Variants in SLC17A8 observed in about 807,000 individuals in gnomAD.
SLC17A8 encodes the protein vesicular glutamate transporter 3.
A neutral mutation model predicts 58.0 loss-of-function variants in SLC17A8; 31 were observed. The ratio of observed to expected loss-of-function variants is 0.53; its 90% CI spans 0.40 to 0.72. SLC17A8 has a LOEUF of 0.72. SLC17A8 is among the 30% of genes least tolerant of loss of function. SLC17A8 has a pLI of 0.00. For missense variants in SLC17A8, 655 were observed against 727.8 expected (o/e 0.90, Z 1.15); for synonymous variants, 228 against 249.0 (o/e 0.92, Z 0.79).
At chr12:100,401,460 G>T (rs1190716973) in intron 5 of SLC17A8, among the ~76,000 whole-genome samples, 1 of 151,882 alleles carries the variant, frequency 6.6e-6, no homozygotes, top group Non-Finnish European at 1.5e-5. Flanking sequence ...ATTGCGCCTG[G>T]TTGAATTTTC....
chr12:100,396,584 A>T (rs985559982), intron 5 of SLC17A8, among the ~76,000 whole-genome samples, 167 bp downstream of exon 5: 25 of 131,460 alleles, frequency 1.9e-4, no homozygotes, highest in Non-Finnish European at 3.4e-4. Flanking sequence ...CTTCGTCTTT[A>T]AAAAAAAAAA....
chr12:100,401,789 G>T lies in SLC17A8; in HGVS notation c.689G>T (p.Gly230Val). The change falls in exon 6 of 12, where the codon GGG becomes GTG. Residue 230 changes from glycine (G) to valine (V), a missense_variant. Physicochemically the swap from Gly to Val is moderately radical, Grantham distance 109. Coordinates refer to ENST00000323346, the MANE Select transcript of SLC17A8 (RefSeq NM_139319.3). ...TTTCTTGTTCCAGGTTCCTATGCAG[G>T]GGCAGTGGTTGCCATGCCCCTGGCT... ...ATTSFCGSYA[G>V]AVVAMPLAGV... is the part of the protein sequence containing the mutation. 2 of 1,613,700 alleles carry T rather than the reference G, an allele frequency of 1.2e-6. No homozygotes were observed. Among genetic ancestry groups the T allele is most frequent in the South Asian group, 2.2e-5 (2 of 91,052 alleles).
chr12:100,363,110 G>A (rs577946717), intron 1 of SLC17A8, among the ~76,000 whole-genome samples: 28 of 152,222 alleles, frequency 1.8e-4, no homozygotes, highest in African/African-American at 6.7e-4. Flanking sequence ...TCTGGTCTTG[G>A]CACGAGGACC....
At position 100,420,083 on chromosome 12, in the gene SLC17A8, A is replaced by G; in HGVS notation, c.1694A>G (p.Gln565Arg). Residue 565 changes from glutamine (Q) to arginine (R), a missense_variant, in exon 12 of 12, where the codon CAG becomes CGG. Gln to Arg is a conservative substitution (Grantham distance 43). Coordinates refer to ENST00000323346, the MANE Select transcript of SLC17A8 (RefSeq NM_139319.3). ...GTCCAGAAGAAGGAATGGAAAGGACAGAGAGGAGCGACCCTTGATGAGGAA... is the reference window on the plus strand; with the variant it reads ...GTCCAGAAGAAGGAATGGAAAGGACGGAGAGGAGCGACCCTTGATGAGGAA... ...CEVQKKEWKGQRGATLDEEEL... is the reference protein window; with the variant it reads ...CEVQKKEWKGRRGATLDEEEL... 4.3e-6 allele frequency: 7 copies of G among 1,614,170 alleles called. No homozygotes were observed. The highest frequency in any genetic ancestry group is 5.1e-6 in the Non-Finnish European group (6 of 1,180,014).
chr12:100,393,549 C>G (rs879228524), intron 4 of SLC17A8, 66 bp downstream of exon 4: 6 of 1,194,470 alleles, frequency 5.0e-6, no homozygotes, highest in Non-Finnish European at 6.2e-6. Flanking sequence ...AGAAAATTCA[C>G]CTTCTGAAGA....
intron 2 of SLC17A8, among the ~76,000 whole-genome samples, chr12:100,389,803 TG>T (rs1334246155): frequency 5.1e-4 from 45 of 88,812 alleles, no homozygotes; most frequent in African/African-American, 1.6e-3. Flanking sequence ...TGGCTAGATT[TG>T]TATTATTATT....
intron 1 of SLC17A8, among the ~76,000 whole-genome samples, chr12:100,358,683 C>G (rs1312039703): frequency 6.6e-6 from 1 of 152,216 alleles, no homozygotes; most frequent in Non-Finnish European, 1.5e-5. Context: ...ATTACAATAA[C>G]ATTTTTTTCA....
At chr12:100,401,933 C>A in intron 6 of SLC17A8, 70 bp downstream of exon 6, 2 of 1,231,194 alleles carry the variant, frequency 1.6e-6, no homozygotes, top group Non-Finnish European at 2.4e-6. Flanking sequence ...ATGGGTTTGG[C>A]TCAGAGTTCA....
At position 100,357,451 on chromosome 12, in the gene SLC17A8, A is replaced by G. The variant is rs1219817580; in HGVS notation, c.60A>G (p.Gly20=). 2 of 1,614,000 alleles carry G rather than the reference A, an allele frequency of 1.2e-6. No homozygotes were observed. Among genetic ancestry groups the G allele is most frequent in the Non-Finnish European group, 1.7e-6 (2 of 1,179,850 alleles). Residue 20 remains glycine, a synonymous_variant, in exon 1 of 12, where the codon GGA becomes GGG. Transcript: ENST00000323346. ...KEKILKPGKE[G]VKNAVGDSLG... ...AAATTCTGAAACCTGGGAAGGAAGG[A>G]GTGAAGAACGCCGTGGGAGATTCTT...
chr12:100,421,669 T>TTTG lies in SLC17A8; in HGVS notation c.*1512_*1513insGTT, dbSNP rs1555328013. On this transcript the variant is annotated 3_prime_UTR_variant, in exon 12 of 12. Transcript: ENST00000323346. ...TATTATTGTAAAGTGTTTTTTTTTTTTTTTTTTTTTTCTAATTTCTCCCAC... is the reference window on the plus strand; with the variant it reads ...TATTATTGTAAAGTGTTTTTTTTTTTTTGTTTTTTTTTTTCTAATTTCTCCCAC... The TTTG allele has an allele frequency of 6.7e-6, 1 of 149,664 alleles. No homozygotes were observed. The highest frequency in any genetic ancestry group is 6.7e-5 in the Admixed American group (1 of 14,952). The allele number at this position is 149,664 out of a possible 1,614,324, so 9.3% of individuals were successfully genotyped here.
At chr12:100,395,001 T>C (rs1441258428) in intron 4 of SLC17A8, among the ~76,000 whole-genome samples, 1 of 151,868 alleles carries the variant, frequency 6.6e-6, no homozygotes, top group Non-Finnish European at 1.5e-5. Flanking sequence ...TGTACCCGTG[T>C]AGTGGAAAGA....
intron 9 of SLC17A8, among the ~76,000 whole-genome samples, chr12:100,404,787 G>A (rs1732531318): frequency 6.6e-6 from 1 of 152,164 alleles, no homozygotes; most frequent in African/African-American, 2.4e-5. Context: ...TAACCACCAT[G>A]TGGAGCAGGT....
intron 1 of SLC17A8, among the ~76,000 whole-genome samples, chr12:100,374,505 G>C (rs149021383): frequency 1.0e-3 from 158 of 152,222 alleles, no homozygotes; most frequent in Non-Finnish European, 1.9e-3. Flanking sequence ...CCAGCTACTC[G>C]GGAGGCTGAG....
At chr12:100,404,322 A>G (rs7956921) in intron 9 of SLC17A8, 152 bp downstream of exon 9, 1 of 954,242 alleles carries the variant, frequency 1.0e-6, no homozygotes. Flanking sequence ...AGTGTTGTCC[A>G]TCACAGTGCT....
Position 100,394,088 on chromosome 12 carries a change from C to A in SLC17A8, c.588+605C>A, listed in dbSNP as rs1952735277. Reference sequence around the variant, plus strand: ...TTGTTGTGTGCCATTAAATATTACTCTTCTTTTGATTTTTTTTCTCACCAT... The same window carrying A: ...TTGTTGTGTGCCATTAAATATTACTATTCTTTTGATTTTTTTTCTCACCAT... On this transcript the variant is annotated intron_variant, in intron 4 of 11. Transcript: ENST00000323346. Among the ~76,000 whole-genome samples the A allele has an allele frequency of 3.9e-5, 6 of 152,140 alleles. No individual in the cohort carries two copies. The South Asian group carries it at 1.2e-3, about 32-fold the overall frequency.
intron 1 of SLC17A8, among the ~76,000 whole-genome samples, chr12:100,364,845 G>A (rs148772899): frequency 6.6e-6 from 1 of 152,290 alleles, no homozygotes; most frequent in African/African-American, 2.4e-5. Flanking sequence ...TCAAAACTCT[G>A]CCTATTGGGA....
At chr12:100,368,187 G>C (rs1253057843) in intron 1 of SLC17A8, among the ~76,000 whole-genome samples, 1 of 152,164 alleles carries the variant, frequency 6.6e-6, no homozygotes, top group African/African-American at 2.4e-5. Flanking sequence ...CCAAACCCAA[G>C]GTGTTGGCAG....
chr12:100,390,326 G>C (rs943610987), intron 2 of SLC17A8, among the ~76,000 whole-genome samples: 1 of 149,216 alleles, frequency 6.7e-6, no homozygotes, highest in Admixed American at 6.8e-5. Flanking sequence ...AAATCTATGA[G>C]AGCAGGGACT....
Position 100,420,140 on chromosome 12 carries a change from A to G in SLC17A8, c.1751A>G (p.Asn584Ser). ...ELTSYQNEER[N>S]FSTIS ...ACATCCTACCAGAATGAAGAGAGAAACTTCTCAACTATATCCTAATGTCTG... is the reference window on the plus strand; with the variant it reads ...ACATCCTACCAGAATGAAGAGAGAAGCTTCTCAACTATATCCTAATGTCTG... Residue 584 changes from asparagine (N) to serine (S), a missense_variant, in exon 12 of 12, where the codon AAC (asparagine) becomes AGC (serine). Asn to Ser is a conservative substitution (Grantham distance 46). Coordinates refer to ENST00000323346, the MANE Select transcript of SLC17A8 (RefSeq NM_139319.3). 1.9e-6 allele frequency: 3 copies of G among 1,613,144 alleles called. No homozygotes were observed. The highest frequency in any genetic ancestry group is 1.7e-6 in the Non-Finnish European group (2 of 1,179,562).
Sources: allele counts gnomAD v4.1 joint callset (sites outside exome capture counted in the v4.1 genomes callset), GRCh38; gene constraint gnomAD v4.1.1; transcripts MANE v1.5; gene names NCBI Gene and HGNC (gene_info 2026-07-23, HGNC 2026-07-21).